SPTB: variants seen among roughly 807,000 people sequenced by gnomAD.
SPTB encodes the protein spectrin beta chain, erythrocytic.
A neutral mutation model predicts 256.2 loss-of-function variants in SPTB; 45 were observed. The ratio of observed to expected loss-of-function variants is 0.18; its 90% CI spans 0.14 to 0.23. SPTB has a LOEUF of 0.23. Among genes scored for constraint, SPTB ranks in the 10% least tolerant of loss-of-function variants. The probability of loss-of-function intolerance (pLI) is 1.00; values close to 1 mark genes in which losing one functional copy is unlikely to be tolerated. For synonymous variants in SPTB, 1,231 were observed against 1,243.1 expected (o/e 0.99, Z 0.21); for missense variants, 2,715 against 3,040.4 (o/e 0.89, Z 2.52).
rs1209000557 is a variant in SPTB, at chr14:64,779,371, G to A, written c.4474-125C>T. ...CCCAGTTCCTCCCAACACCCCATCA[G>A]GGTTTTGCCCCCATTTTATAGGTTA... On this transcript the variant is annotated intron_variant, in intron 21 of 35. Transcript: ENST00000644917. The surrounding 1 kb of genome is among the most constrained non-coding windows in gnomAD (Gnocchi z 4.2). 3.7e-5 allele frequency: 30 copies of A among 819,604 alleles called. No individual in the cohort carries two copies. The East Asian group carries it at 7.7e-4, about 21-fold the overall frequency. The allele number at this position is 819,604 out of a possible 1,614,324, so 50.8% of individuals were successfully genotyped here.
In SPTB at chr14:64,795,944, G is replaced by C. The variant is rs1048492574; in HGVS notation, c.1342-305C>G. Among the ~76,000 whole-genome samples the C allele has an allele frequency of 6.6e-6, 1 of 152,160 alleles. No individual in the cohort carries two copies. Among genetic ancestry groups the C allele is most frequent in the Non-Finnish European group, 1.5e-5 (1 of 68,020 alleles). On this transcript the variant is annotated intron_variant, in intron 11 of 35. Transcript: ENST00000644917. This position sits in a 1 kb window ranked among gnomAD's most constrained non-coding sequence, Gnocchi z 6.5. ...CCTGCTGGCACTCCCCACATGCCTCGAGTGGACCTGTTGGATTTGGGGCAG... is the reference window on the plus strand; with the variant it reads ...CCTGCTGGCACTCCCCACATGCCTCCAGTGGACCTGTTGGATTTGGGGCAG...
At chr14:64,794,685 C>A (rs80024584) in intron 12 of SPTB, 68 bp from the exon 13 acceptor site, 71,570 of 1,594,392 alleles carry the variant, frequency 0.045, 1,832 homozygotes, top group South Asian at 0.055. Flanking sequence ...GAGAAGAGAC[C>A]CCTGCAAAGG....
At chr14:64,831,419 G>C (rs1217945464) in intron 1 of SPTB, among the ~76,000 whole-genome samples, 1 of 152,206 alleles carries the variant, frequency 6.6e-6, no homozygotes, top group East Asian at 1.9e-4. Context: ...GTAATTCATA[G>C]TAGTGAAAAC....
intron 32 of SPTB, among the ~76,000 whole-genome samples, chr14:64,763,194 G>A (rs574717717): frequency 3.9e-4 from 59 of 152,334 alleles, no homozygotes; most frequent in Admixed American, 1.8e-3. Context: ...GAGCCTGGGA[G>A]GTGGGGGATG....
At chr14:64,843,373 G>T (rs7154019) in intron 1 of SPTB, among the ~76,000 whole-genome samples, 1 of 151,956 alleles carries the variant, frequency 6.6e-6, no homozygotes, top group Non-Finnish European at 1.5e-5. Flanking sequence ...CTCAAGGTCT[G>T]TCATGTTGTT....
intron 15 of SPTB, 59 bp from the exon 16 acceptor site, chr14:64,787,219 C>G: frequency 6.3e-7 from 1 of 1,592,458 alleles, no homozygotes; most frequent in Non-Finnish European, 8.5e-7. Context: ...GCTCTTCTTC[C>G]CATAGGAGAC....
intron 1 of SPTB, among the ~76,000 whole-genome samples, chr14:64,830,869 T>C (rs1264273554): frequency 6.6e-6 from 1 of 152,194 alleles, no homozygotes; most frequent in Non-Finnish European, 1.5e-5. Flanking sequence ...CACCATGGTG[T>C]CATGTGCCTT....
At position 64,749,911 on chromosome 14, in the gene SPTB, G is replaced by T; in HGVS notation, c.6776+70C>A. On this transcript the variant is annotated intron_variant, in intron 34 of 35. Coordinates refer to ENST00000644917, the MANE Select transcript of SPTB (RefSeq NM_001355436.2). This position sits in a 1 kb window ranked among gnomAD's most constrained non-coding sequence, Gnocchi z 4.7. ...GGCCTGGCACTGGTCCCCTACAGAG[G>T]GCCTCTGCCCTGCCACTAATGCCAA... 1.2e-6 allele frequency: 2 copies of T among 1,601,350 alleles called. No individual in the cohort carries two copies. The highest frequency in any genetic ancestry group is 1.7e-6 in the Non-Finnish European group (2 of 1,168,678).
At position 64,775,224 on chromosome 14, in the gene SPTB, C is replaced by T; in HGVS notation, c.4743G>A (p.Arg1581=). The part of the protein sequence containing the change: ...EAAAGRLQRL[R]DANEAQQYYL... The stretch of plus-strand genomic sequence containing the variant: ...AGTACTGCTGTGCCTCGTTGGCGTC[C>T]CTCAGTCGCTGCAGCCTCCCGGCCG... Residue 1581 remains arginine, a synonymous_variant, in exon 23 of 36, where the codon AGG becomes AGA. Coordinates refer to ENST00000644917, the MANE Select transcript of SPTB (RefSeq NM_001355436.2). This position sits in a 1 kb window ranked among gnomAD's most constrained non-coding sequence, Gnocchi z 5.0. 6.2e-7 allele frequency: 1 copy of T among 1,613,842 alleles called. No individual in the cohort carries two copies. The highest frequency in any genetic ancestry group is 8.5e-7 in the Non-Finnish European group (1 of 1,180,038).
chr14:64,879,677 G>A (rs1431928767), intron 1 of SPTB, 115 bp downstream of exon 1: 1 of 152,302 alleles, frequency 6.6e-6, no homozygotes, highest in Non-Finnish European at 1.5e-5. Context: ...GGTCCTCTGG[G>A]CCCTGCGCGT....
chr14:64,810,645 G>A (rs1213755658), intron 2 of SPTB, among the ~76,000 whole-genome samples: 1 of 152,122 alleles, frequency 6.6e-6, no homozygotes, highest in Non-Finnish European at 1.5e-5. Flanking sequence ...CCACCACTGT[G>A]CTCCAGCCTG....
At chr14:64,878,331 C>A (rs573418754) in intron 1 of SPTB, among the ~76,000 whole-genome samples, 1 of 152,124 alleles carries the variant, frequency 6.6e-6, no homozygotes, top group Non-Finnish European at 1.5e-5. Context: ...AGCCTCCAGG[C>A]AAGCACAGGC....
intron 33 of SPTB, among the ~76,000 whole-genome samples, chr14:64,751,054 A>G (rs1192466086): frequency 7.0e-6 from 1 of 143,822 alleles, no homozygotes; most frequent in Non-Finnish European, 1.5e-5. Flanking sequence ...TATATATTAT[A>G]TAATATATAA....
In SPTB at chr14:64,766,732, C is replaced by T. The variant is rs765720758; in HGVS notation, c.6339G>A (p.Thr2113=). Residue 2113 remains threonine, a synonymous_variant, in exon 32 of 36, where the codon ACG becomes ACA. Coordinates refer to ENST00000644917, the MANE Select transcript of SPTB (RefSeq NM_001355436.2). ...AACGAGACCAGAGACTGACCGGGGA[C>T]GTTCTCTCGGTGGCCGCATGGTGGG... ...PVSHHAATER[T]SPGEEEGTWP... The T allele has an allele frequency of 8.7e-6, 14 of 1,613,434 alleles. No homozygotes were observed. In the East Asian group the frequency reaches 1.1e-4, roughly 13 times the overall value.
At chr14:64,822,069 G>A (rs1005779678) in intron 2 of SPTB, among the ~76,000 whole-genome samples, 6 of 151,934 alleles carry the variant, frequency 3.9e-5, no homozygotes, top group South Asian at 2.1e-4. Flanking sequence ...GGTGGAAGAC[G>A]GCAACAGTCA....
intron 1 of SPTB, among the ~76,000 whole-genome samples, chr14:64,829,593 T>C (rs1169559428): frequency 6.6e-6 from 1 of 152,226 alleles, no homozygotes; most frequent in East Asian, 1.9e-4. Flanking sequence ...AGACATGATG[T>C]CTGGGATTTG....
In SPTB at chr14:64,792,877, G is replaced by A. The variant is rs1356514786; in HGVS notation, c.2666+120C>T. 4.3e-6 allele frequency: 6 copies of A among 1,404,622 alleles called. No homozygotes were observed. Among genetic ancestry groups the A allele is most frequent in the Non-Finnish European group, 4.9e-6 (5 of 1,014,358 alleles). The allele number at this position is 1,404,622 out of a possible 1,614,324, so 87.0% of individuals were successfully genotyped here. A position where few individuals can be genotyped will look rare whatever the true frequency, so the allele number is the denominator to read the frequency against. ...CCTAATGCCAGGACTTTGCAACAAA[G>A]GACATCCCAGGGCCTCTCAAAGAGA... On this transcript the variant is annotated intron_variant, in intron 14 of 35. Transcript: ENST00000644917. This position sits in a 1 kb window ranked among gnomAD's most constrained non-coding sequence, Gnocchi z 4.2.
At chr14:64,832,644 C>T (rs573965590) in intron 1 of SPTB, among the ~76,000 whole-genome samples, 71 of 152,294 alleles carry the variant, frequency 4.7e-4, no homozygotes, top group Non-Finnish European at 8.7e-4. Flanking sequence ...TCATGTTCAC[C>T]CTAACCCCCA....
chr14:64,749,522 C>T lies in SPTB; in HGVS notation c.6820-49G>A. ...GAGTCTGGAGGCCCACAGCCCCCCA[C>T]CTCCCGGGCCAGGCAACAATGGTGG... On this transcript the variant is annotated intron_variant, in intron 35 of 35. Coordinates refer to ENST00000644917, the MANE Select transcript of SPTB (RefSeq NM_001355436.2). This position sits in a 1 kb window ranked among gnomAD's most constrained non-coding sequence, Gnocchi z 4.7. 6.3e-7 allele frequency: 1 copy of T among 1,597,886 alleles called. No homozygotes were observed. The highest frequency in any genetic ancestry group is 8.5e-7 in the Non-Finnish European group (1 of 1,177,366).
Sources: gnomAD v4.1 joint callset for allele counts (sites outside exome capture counted in the v4.1 genomes callset) on GRCh38, gnomAD v4.1.1 for gene constraint, Gnocchi (gnomAD v3.1) non-coding constraint, MANE v1.5 for transcripts, NCBI Gene and HGNC (gene_info 2026-07-23, HGNC 2026-07-21) for gene names.